The following DSCAML1 variants were observed in gnomAD, a reference collection of about 807,000 sequenced individuals.
The protein encoded by DSCAML1 is cell adhesion molecule DSCAML1.
DSCAML1 carries 38 observed loss-of-function variants against 200.5 expected under a neutral mutation model. The observed-to-expected ratio is 0.19, with a 90% CI of 0.15 to 0.25. DSCAML1 has a LOEUF of 0.25. DSCAML1 is among the 10% of genes least tolerant of loss of function. The pLI, the probability that DSCAML1 is intolerant of heterozygous loss-of-function variation, is 1.00. For synonymous variants in DSCAML1, 1,215 were observed against 1,165.0 expected (o/e 1.04, Z -0.87); for missense variants, 2,223 against 2,858.8 (o/e 0.78, Z 5.07).
chr11:117,749,889 G>A (rs536296137), intron 3 of DSCAML1, among the ~76,000 whole-genome samples: 1 of 152,340 alleles, frequency 6.6e-6, no homozygotes, highest in South Asian at 2.1e-4. Flanking sequence ...CTTGAGCTCT[G>A]GTTCTTAATA....
intron 3 of DSCAML1, among the ~76,000 whole-genome samples, chr11:117,590,962 A>G (rs1161931783): frequency 6.6e-6 from 1 of 152,246 alleles, no homozygotes; most frequent in African/African-American, 2.4e-5. Flanking sequence ...TAAACACTTC[A>G]GCACAAAACA....
At position 117,498,386 on chromosome 11, in the gene DSCAML1, G is replaced by A. The variant is rs2049333513; in HGVS notation, c.2359+5459C>T. ...ATCCGTGGGAGGACAGTCTGTGGAG[G>A]AGCCCTCGGGAGGTCCTGGAAGCAG... is the stretch of plus-strand genomic sequence containing the variant. On this transcript the variant is annotated intron_variant, in intron 11 of 32. Coordinates refer to ENST00000651296, the MANE Select transcript of DSCAML1 (RefSeq NM_020693.4). The surrounding 1 kb of genome is among the most constrained non-coding windows in gnomAD (Gnocchi z 4.0). Among the ~76,000 whole-genome samples, 1 of 152,220 alleles carries A rather than the reference G, an allele frequency of 6.6e-6. No individual in the cohort carries two copies. Among genetic ancestry groups the A allele is most frequent in the Admixed American group, 6.5e-5 (1 of 15,284 alleles).
intron 3 of DSCAML1, among the ~76,000 whole-genome samples, chr11:117,683,160 T>C (rs1038712498): frequency 1.3e-5 from 2 of 152,166 alleles, no homozygotes; most frequent in East Asian, 1.9e-4. Flanking sequence ...CCTGCTCCAA[T>C]AGGAATTAGA....
At chr11:117,766,417 G>A (rs529040521) in intron 3 of DSCAML1, among the ~76,000 whole-genome samples, 4 of 152,318 alleles carry the variant, frequency 2.6e-5, no homozygotes, top group South Asian at 4.1e-4. Context: ...AAGCAAATGG[G>A]TTTTTGAAAA....
chr11:117,466,415 G>C (rs1184767943), intron 16 of DSCAML1, among the ~76,000 whole-genome samples: 1 of 152,174 alleles, frequency 6.6e-6, no homozygotes, highest in Non-Finnish European at 1.5e-5. Context: ...GAAGAAAATA[G>C]AAAGGCCAGG....
At chr11:117,648,312 C>G (rs892429741) in intron 3 of DSCAML1, among the ~76,000 whole-genome samples, 2 of 152,196 alleles carry the variant, frequency 1.3e-5, no homozygotes, top group Non-Finnish European at 2.9e-5. Flanking sequence ...GTCTCCCCAG[C>G]AGGGGCCGGC....
intron 3 of DSCAML1, among the ~76,000 whole-genome samples, chr11:117,622,016 G>T (rs1366731764): frequency 1.3e-5 from 2 of 152,158 alleles, no homozygotes; most frequent in South Asian, 2.1e-4. Context: ...ACACTACAAG[G>T]TCTGAAACTT....
intron 1 of DSCAML1, among the ~76,000 whole-genome samples, chr11:117,786,511 C>T (rs2055354805): frequency 6.6e-6 from 1 of 152,162 alleles, no homozygotes; most frequent in Non-Finnish European, 1.5e-5. Context: ...CCACCGCTTG[C>T]TTGGGCATCA....
chr11:117,486,294 CAGATGTGAAAGTAGT>C (rs774196951), intron 11 of DSCAML1, among the ~76,000 whole-genome samples: 12,147 of 148,674 alleles, frequency 0.082, 666 homozygotes, highest in East Asian at 0.17. Flanking sequence ...GTGAAAATGG[CAGATGTGAAAGTAGT>C]GGATGTGAAA....
intron 1 of DSCAML1, among the ~76,000 whole-genome samples, chr11:117,792,285 T>G (rs1014977679): frequency 5.3e-5 from 8 of 152,136 alleles, no homozygotes; most frequent in Non-Finnish European, 1.2e-4. Flanking sequence ...GCTTTGGAGC[T>G]GCACCTGCCA....
At chr11:117,733,520 G>A (rs1296129434) in intron 3 of DSCAML1, among the ~76,000 whole-genome samples, 1 of 152,188 alleles carries the variant, frequency 6.6e-6, no homozygotes, top group African/African-American at 2.4e-5. Flanking sequence ...ACCTGCCTGT[G>A]GCTATTGCCC....
At chr11:117,508,041 A>G (rs943449675) in intron 8 of DSCAML1, among the ~76,000 whole-genome samples, 3 of 151,808 alleles carry the variant, frequency 2.0e-5, no homozygotes, top group Admixed American at 1.3e-4. Context: ...GTGTATCCCT[A>G]GGTCAGATCT....
chr11:117,527,495 T>A (rs74470485), intron 4 of DSCAML1, among the ~76,000 whole-genome samples: 3,460 of 152,314 alleles, frequency 0.023, 117 homozygotes, highest in African/African-American at 0.077. Flanking sequence ...GCGAGTAGTC[T>A]GATTTTTCTG....
At chr11:117,640,284 C>T (rs936149315) in intron 3 of DSCAML1, among the ~76,000 whole-genome samples, 2 of 152,230 alleles carry the variant, frequency 1.3e-5, no homozygotes, top group Non-Finnish European at 2.9e-5. Flanking sequence ...CCCGTTCCAT[C>T]GCTGAGCCAG....
chr11:117,692,276 C>T (rs2053509018), intron 3 of DSCAML1, among the ~76,000 whole-genome samples: 1 of 152,104 alleles, frequency 6.6e-6, no homozygotes, highest in Admixed American at 6.5e-5. Flanking sequence ...TTGTCTCCTT[C>T]TTGCTTACTG....
At chr11:117,592,932 C>T (rs1271090918) in intron 3 of DSCAML1, among the ~76,000 whole-genome samples, 2 of 152,244 alleles carry the variant, frequency 1.3e-5, no homozygotes, top group Non-Finnish European at 2.9e-5. Context: ...AACCCCAACA[C>T]CACTGCCATG....
chr11:117,712,451 AT>A (rs1162306313), intron 3 of DSCAML1, among the ~76,000 whole-genome samples: 1 of 152,128 alleles, frequency 6.6e-6, no homozygotes, highest in African/African-American at 2.4e-5. Context: ...AAATTTCTAT[AT>A]TCATAGAAAT....
chr11:117,452,474 G>C (rs2048300900), intron 19 of DSCAML1, among the ~76,000 whole-genome samples: 2 of 151,916 alleles, frequency 1.3e-5, no homozygotes, highest in Admixed American at 1.3e-4. Context: ...CATTCATGTT[G>C]AACCTTTCTA....
chr11:117,648,395 C>T (rs899668082), intron 3 of DSCAML1, among the ~76,000 whole-genome samples: 2 of 152,230 alleles, frequency 1.3e-5, no homozygotes, highest in African/African-American at 2.4e-5. Flanking sequence ...ACGCAGGACC[C>T]GCTTCCACGC....
Sources: allele counts gnomAD v4.1 joint callset (sites outside exome capture counted in the v4.1 genomes callset), GRCh38; gene constraint gnomAD v4.1.1; non-coding constraint Gnocchi (gnomAD v3.1); transcripts MANE v1.5; gene names NCBI Gene and HGNC (gene_info 2026-07-23, HGNC 2026-07-21).